Variants in SLC22A2 observed in about 807,000 individuals in gnomAD.
SLC22A2 encodes organic cation transporter 2.
Under a neutral mutation model 60.5 loss-of-function variants are expected in SLC22A2, and 46 were observed. That is an observed-to-expected ratio of 0.76 (90% CI 0.60 to 0.97). SLC22A2 has a LOEUF of 0.97. SLC22A2 is among the 50% of genes least tolerant of loss of function. SLC22A2 has a pLI of 0.00. For synonymous variants in SLC22A2, 303 were observed against 267.0 expected (o/e 1.13, Z -1.31); for missense variants, 701 against 706.6 (o/e 0.99, Z 0.09).
At chr6:160,235,629 G>A (rs1437924135) in intron 9 of SLC22A2, among the ~76,000 whole-genome samples, 1 of 150,264 alleles carries the variant, frequency 6.7e-6, no homozygotes, top group Non-Finnish European at 1.5e-5. Flanking sequence ...AAGTTAAAGG[G>A]GTATCATTCA....
chr6:160,228,488 G>T (rs1201004135), intron 9 of SLC22A2, among the ~76,000 whole-genome samples: 1 of 152,154 alleles, frequency 6.6e-6, no homozygotes, highest in Non-Finnish European at 1.5e-5. Flanking sequence ...AGACTGAGGG[G>T]ATTAGAGGTC....
chr6:160,230,519 A>G lies in SLC22A2; in HGVS notation c.1502-5715T>C, dbSNP rs531651284. On this transcript the variant is annotated intron_variant, in intron 9 of 10. Transcript: ENST00000366953. ...TTTTATTACCCAGTCAGCTCCTGAC[A>G]TTAGAATAAAGCTCCAAAAATTAAA... Among the ~76,000 whole-genome samples, 63 of 152,116 alleles carry G rather than the reference A, an allele frequency of 4.1e-4. 2 individuals are homozygous for G. The South Asian group carries it at 0.012, about 29-fold the overall frequency.
At position 160,228,844 on chromosome 6, in the gene SLC22A2, T is replaced by C. The variant is rs935280458; in HGVS notation, c.1502-4040A>G. ...TCAAAAGCTCCCCCACTGAGCACCTTGTGTCCCCCACCCCTGCCCACCAGA... is the reference window on the plus strand; with the variant it reads ...TCAAAAGCTCCCCCACTGAGCACCTCGTGTCCCCCACCCCTGCCCACCAGA... On this transcript the variant is annotated intron_variant, in intron 9 of 10. Coordinates refer to ENST00000366953, the MANE Select transcript of SLC22A2 (RefSeq NM_003058.4). 3.2e-4 allele frequency among the ~76,000 whole-genome samples: 48 copies of C among 151,822 alleles called. 1 individual carries two copies. Among genetic ancestry groups the C allele is most frequent in the African/African-American group, 1.2e-3 (48 of 41,110 alleles).
chr6:160,245,609 G>T, intron 5 of SLC22A2, 64 bp from the exon 6 acceptor site: 2 of 949,136 alleles, frequency 2.1e-6, no homozygotes, highest in South Asian at 1.7e-5. Context: ...GGTCACATAG[G>T]GAATAACAAT....
intron 3 of SLC22A2, 113 bp from the exon 4 acceptor site, chr6:160,249,497 T>C: frequency 1.3e-6 from 1 of 796,704 alleles, no homozygotes; most frequent in Non-Finnish European, 2.1e-6. Flanking sequence ...TCTAGAATAT[T>C]CTACGCAACT....
chr6:160,225,973 C>A (rs920900227), intron 9 of SLC22A2, among the ~76,000 whole-genome samples: 3 of 152,106 alleles, frequency 2.0e-5, no homozygotes, highest in Admixed American at 6.6e-5. Context: ...CTCTTTGTTG[C>A]CTGGGGACTA....
chr6:160,241,357 G>A, intron 9 of SLC22A2, 117 bp downstream of exon 9: 6 of 649,030 alleles, frequency 9.2e-6, no homozygotes. Context: ...TTACTACTAT[G>A]AGTAGTAATT....
intron 9 of SLC22A2, among the ~76,000 whole-genome samples, chr6:160,233,250 A>G (rs1271854349): frequency 6.6e-6 from 1 of 151,896 alleles, no homozygotes. Context: ...AGGGTCTGAG[A>G]AGGCCACCAT....
intron 9 of SLC22A2, among the ~76,000 whole-genome samples, chr6:160,233,152 A>G (rs1782852298): frequency 6.6e-6 from 1 of 151,968 alleles, no homozygotes; most frequent in Non-Finnish European, 1.5e-5. Flanking sequence ...TGGCAAATTG[A>G]CTTTACTCAC....
intron 10 of SLC22A2, among the ~76,000 whole-genome samples, chr6:160,222,871 T>G (rs920468534): frequency 6.6e-6 from 1 of 152,208 alleles, no homozygotes; most frequent in African/African-American, 2.4e-5. Flanking sequence ...AAACAGATCC[T>G]GGAAATCCAG....
intron 8 of SLC22A2, 107 bp from the exon 9 acceptor site, chr6:160,241,693 G>A (rs1404179576): frequency 4.5e-5 from 33 of 735,174 alleles, no homozygotes; most frequent in Non-Finnish European, 7.7e-5. Context: ...ATGTTCAAGA[G>A]CTATAGTGTA....
chr6:160,220,844 C>T (rs1782632812), intron 10 of SLC22A2, among the ~76,000 whole-genome samples: 1 of 152,140 alleles, frequency 6.6e-6, no homozygotes, highest in African/African-American at 2.4e-5. Context: ...AGTCAATAAA[C>T]CATGCTGTAA....
At chr6:160,256,515 T>C in intron 2 of SLC22A2, 99 bp downstream of exon 2, 1 of 784,562 alleles carries the variant, frequency 1.3e-6, no homozygotes, top group Non-Finnish European at 2.2e-6. Context: ...GTGGTCTGTG[T>C]GCTTGGGAAA....
In SLC22A2 at chr6:160,258,354, A is replaced by G; in HGVS notation, c.404T>C (p.Ile135Thr). ...GWVYETPGSS[I>T]VTEFNLVCAN... Reference sequence around the variant, plus strand: ...AGCTCACTCTCTTACCTCGGTGACGATGGACGAGCCAGGCGTCTCGTACAC... The same window carrying G: ...AGCTCACTCTCTTACCTCGGTGACGGTGGACGAGCCAGGCGTCTCGTACAC... Residue 135 changes from isoleucine to threonine, a missense_variant, in exon 1 of 11, where the codon ATC becomes ACC. Ile to Thr is a moderately conservative substitution (Grantham distance 89). Coordinates refer to ENST00000366953, the MANE Select transcript of SLC22A2 (RefSeq NM_003058.4). The G allele has an allele frequency of 2.5e-6, 4 of 1,608,818 alleles. No individual in the cohort carries two copies. The highest frequency in any genetic ancestry group is 3.4e-6 in the Non-Finnish European group (4 of 1,177,520).
At chr6:160,245,694 AT>A (rs11422120) in intron 5 of SLC22A2, 149 bp from the exon 6 acceptor site, 10,132 of 163,090 alleles carry the variant, frequency 0.062, 34 homozygotes, top group Middle Eastern at 0.099. Context: ...GTCCCATTTC[AT>A]TTTTTTTTTT....
At chr6:160,239,253 C>A (rs138299674) in intron 9 of SLC22A2, among the ~76,000 whole-genome samples, 4 of 152,130 alleles carry the variant, frequency 2.6e-5, no homozygotes, top group African/African-American at 9.7e-5. Context: ...AGGGGAGGAA[C>A]CCTCAGTTCC....
At chr6:160,218,442 T>C (rs1040995571) in intron 10 of SLC22A2, among the ~76,000 whole-genome samples, 1 of 53,502 alleles carries the variant, frequency 1.9e-5, no homozygotes, top group East Asian at 5.0e-4. Context: ...GCAACTGCAA[T>C]AGCAACAGTA....
chr6:160,235,931 T>C (rs1782903165), intron 9 of SLC22A2, among the ~76,000 whole-genome samples: 1 of 152,180 alleles, frequency 6.6e-6, no homozygotes, highest in Non-Finnish European at 1.5e-5. Context: ...ACATTAATGG[T>C]ATGTGTTCCA....
intron 9 of SLC22A2, among the ~76,000 whole-genome samples, chr6:160,235,051 A>C (rs530415049): frequency 6.6e-6 from 1 of 152,324 alleles, no homozygotes; most frequent in African/African-American, 2.4e-5. Flanking sequence ...CAGTTTGTTC[A>C]AGCTCTAACA....
Sources: allele counts gnomAD v4.1 joint callset (sites outside exome capture counted in the v4.1 genomes callset), GRCh38; gene constraint gnomAD v4.1.1; transcripts MANE v1.5; gene names NCBI Gene and HGNC (gene_info 2026-07-23, HGNC 2026-07-21).